Variants in PIK3CB observed in about 807,000 individuals in gnomAD.
The protein encoded by PIK3CB is phosphatidylinositol 4,5-bisphosphate 3-kinase catalytic subunit beta isoform.
Under a neutral mutation model 136.8 loss-of-function variants are expected in PIK3CB, and 39 were observed. That is an observed-to-expected ratio of 0.29 (90% CI 0.22 to 0.37). PIK3CB has a LOEUF of 0.37. PIK3CB is among the 10% of genes least tolerant of loss of function. The pLI, the probability that PIK3CB is intolerant of heterozygous loss-of-function variation, is 1.00. For synonymous variants in PIK3CB, 428 were observed against 436.6 expected (o/e 0.98, Z 0.25); for missense variants, 868 against 1,275.4 (o/e 0.68, Z 4.87).
intron 19 of PIK3CB, among the ~76,000 whole-genome samples, chr3:138,666,519 T>G (rs373162464): frequency 4.6e-5 from 7 of 152,298 alleles, no homozygotes; most frequent in East Asian, 3.9e-4. Flanking sequence ...CTATTTACAT[T>G]CTTTGCCTAT....
chr3:138,724,659 G>A (rs1003503838), intron 8 of PIK3CB, among the ~76,000 whole-genome samples: 4 of 152,080 alleles, frequency 2.6e-5, no homozygotes, highest in African/African-American at 9.7e-5. Context: ...CATACAAAAA[G>A]ACACTTCTAT....
chr3:138,729,937 G>C (rs2108629873), intron 8 of PIK3CB, among the ~76,000 whole-genome samples: 1 of 152,054 alleles, frequency 6.6e-6, no homozygotes, highest in South Asian at 2.1e-4. Context: ...GGGATTCTTA[G>C]CCAGTGCATA....
At chr3:138,791,101 C>T (rs1437987290) in intron 2 of PIK3CB, among the ~76,000 whole-genome samples, 1 of 151,930 alleles carries the variant, frequency 6.6e-6, no homozygotes, top group African/African-American at 2.4e-5. Flanking sequence ...TATTGTACAC[C>T]CTCTTCTCTC....
intron 8 of PIK3CB, among the ~76,000 whole-genome samples, chr3:138,733,139 CAGT>C (rs1436490752): frequency 6.6e-6 from 1 of 151,002 alleles, no homozygotes; most frequent in Non-Finnish European, 1.5e-5. Context: ...TCAATCTTTC[CAGT>C]AGATCTCTAA....
At chr3:138,712,339 A>G (rs754951919) in intron 9 of PIK3CB, 35 bp from the exon 10 acceptor site, 1 of 991,106 alleles carries the variant, frequency 1.0e-6, no homozygotes, top group Non-Finnish European at 1.5e-6. Flanking sequence ...AAATATGCTA[A>G]GAATAACTTT....
intron 4 of PIK3CB, among the ~76,000 whole-genome samples, chr3:138,752,649 C>T (rs2045493796): frequency 6.6e-6 from 1 of 151,158 alleles, no homozygotes; most frequent in Non-Finnish European, 1.5e-5. Context: ...GCGGAGGTTG[C>T]AGTGAGCCAA....
intron 1 of PIK3CB, among the ~76,000 whole-genome samples, chr3:138,832,117 A>G (rs1373538511): frequency 6.6e-6 from 1 of 152,200 alleles, no homozygotes; most frequent in Non-Finnish European, 1.5e-5. Context: ...AAAGAACATA[A>G]TTTAGACTAC....
At chr3:138,687,366 A>T (rs1047987424) in intron 16 of PIK3CB, among the ~76,000 whole-genome samples, 4 of 152,244 alleles carry the variant, frequency 2.6e-5, no homozygotes, top group Non-Finnish European at 5.9e-5. Flanking sequence ...GCAAGTTATG[A>T]CTAAGTATGG....
intron 10 of PIK3CB, among the ~76,000 whole-genome samples, chr3:138,707,850 G>A (rs1026422058): frequency 5.3e-5 from 8 of 152,054 alleles, no homozygotes; most frequent in African/African-American, 1.9e-4. Flanking sequence ...TTTCTTCAAG[G>A]TACTCCTTCC....
At chr3:138,779,737 C>T (rs894845062) in intron 2 of PIK3CB, among the ~76,000 whole-genome samples, 1 of 149,518 alleles carries the variant, frequency 6.7e-6, no homozygotes, top group Non-Finnish European at 1.5e-5. Context: ...TGCTTTGTTG[C>T]CCAGGCTGTC....
chr3:138,831,552 T>A (rs1180440773), intron 1 of PIK3CB, among the ~76,000 whole-genome samples: 4 of 151,874 alleles, frequency 2.6e-5, no homozygotes, highest in Non-Finnish European at 1.5e-5. Context: ...CACATTGCAC[T>A]CCAGCCTGGG....
intron 11 of PIK3CB, among the ~76,000 whole-genome samples, chr3:138,705,709 C>T (rs571484111): frequency 6.6e-6 from 1 of 152,276 alleles, no homozygotes; most frequent in African/African-American, 2.4e-5. Flanking sequence ...AGTTTGTACT[C>T]AAGCGGATTG....
intron 19 of PIK3CB, among the ~76,000 whole-genome samples, chr3:138,680,990 A>G (rs534664677): frequency 1.0e-4 from 15 of 149,726 alleles, no homozygotes; most frequent in African/African-American, 3.4e-4. Context: ...GCACGGCCCA[A>G]TTGTTCTTAT....
At chr3:138,700,168 G>T (rs1577090727) in intron 12 of PIK3CB, among the ~76,000 whole-genome samples, 2 of 152,322 alleles carry the variant, frequency 1.3e-5, no homozygotes, top group South Asian at 4.1e-4. Context: ...GCTGCAGTGA[G>T]CCATGATCGT....
At chr3:138,694,730 TCCCAAACCCA>T (rs2044097941) in intron 14 of PIK3CB, 46 bp downstream of exon 14, 1 of 1,590,032 alleles carries the variant, frequency 6.3e-7, no homozygotes, top group Non-Finnish European at 8.6e-7. Context: ...GACACCCTCA[TCCCAAACCCA>T]CCCAAGTTAT....
chr3:138,720,160 C>T (rs1301902660), intron 8 of PIK3CB, among the ~76,000 whole-genome samples: 1 of 152,184 alleles, frequency 6.6e-6, no homozygotes, highest in Non-Finnish European at 1.5e-5. Flanking sequence ...TCCTGAGTTC[C>T]TTGACCTAAA....
At chr3:138,717,065 C>A (rs775979807) in intron 8 of PIK3CB, among the ~76,000 whole-genome samples, 2 of 151,178 alleles carry the variant, frequency 1.3e-5, no homozygotes, top group Non-Finnish European at 2.9e-5. Context: ...ACCATCCTGG[C>A]CAACATGGTA....
At chr3:138,833,042 GAAGC>G (rs1934110457) in intron 1 of PIK3CB, among the ~76,000 whole-genome samples, 1 of 150,934 alleles carries the variant, frequency 6.6e-6, no homozygotes, top group Non-Finnish European at 1.5e-5. Context: ...TTTTAAAAAA[GAAGC>G]AAGATTCGGT....
At position 138,734,762 on chromosome 3, in the gene PIK3CB, T is replaced by C. The variant is rs779567310; in HGVS notation, c.844A>G (p.Ile282Val). 11 of 1,613,496 alleles carry C rather than the reference T, an allele frequency of 6.8e-6. No homozygotes were observed. Among genetic ancestry groups the C allele is most frequent in the East Asian group, 6.7e-5 (3 of 44,844 alleles). Residue 282 changes from isoleucine (I) to valine (V), a missense_variant, in exon 7 of 24, where the codon ATA (isoleucine) becomes GTA (valine). Coordinates refer to ENST00000674063, the MANE Select transcript of PIK3CB (RefSeq NM_006219.3). ...CVMNRALPHF[I>V]LVECCKIKKM... ...TTGATCTTGCAGCATTCCACAAGTA[T>C]AAAATGGGGCAGGGCTCTGTTCATC...
Sources: allele counts gnomAD v4.1 joint callset (sites outside exome capture counted in the v4.1 genomes callset), GRCh38; gene constraint gnomAD v4.1.1; transcripts MANE v1.5; gene names NCBI Gene and HGNC (gene_info 2026-07-23, HGNC 2026-07-21).